The following PRKCA variants were observed in gnomAD, a reference collection of about 807,000 sequenced individuals.
The protein encoded by PRKCA is protein kinase C alpha type.
Under a neutral mutation model 87.0 loss-of-function variants are expected in PRKCA, and 27 were observed. The observed-to-expected ratio is 0.31, with a 90% CI of 0.23 to 0.43. The LOEUF (loss-of-function observed/expected upper bound fraction) is 0.43. Among genes scored for constraint, PRKCA ranks in the 20% least tolerant of loss-of-function variants. The pLI is 1.00. For missense variants in PRKCA, 518 were observed against 852.3 expected (o/e 0.61, Z 4.88); for synonymous variants, 329 against 311.1 (o/e 1.06, Z -0.61).
intron 3 of PRKCA, among the ~76,000 whole-genome samples, chr17:66,602,932 G>A (rs34987618): frequency 0.01 from 1,580 of 152,234 alleles, 19 homozygotes; most frequent in South Asian, 0.02. Flanking sequence ...TGTGAGGCGG[G>A]AAGCCCACTA....
At chr17:66,414,217 G>A (rs1336795121) in intron 2 of PRKCA, among the ~76,000 whole-genome samples, 2 of 152,068 alleles carry the variant, frequency 1.3e-5, no homozygotes, top group African/African-American at 4.8e-5. Flanking sequence ...TTGGTGAGAG[G>A]TGATTAGATC....
intron 2 of PRKCA, among the ~76,000 whole-genome samples, chr17:66,333,626 G>C (rs995382530): frequency 6.6e-6 from 1 of 152,128 alleles, no homozygotes; most frequent in African/African-American, 2.4e-5. Context: ...TTGTGAAGGG[G>C]TCTGGGCTAC....
At chr17:66,400,210 G>A (rs1910938267) in intron 2 of PRKCA, among the ~76,000 whole-genome samples, 1 of 152,192 alleles carries the variant, frequency 6.6e-6, no homozygotes, top group African/African-American at 2.4e-5. Context: ...GGAGTGCAGT[G>A]GCACAGTCTC....
chr17:66,434,874 G>C (rs1377533010), intron 2 of PRKCA, among the ~76,000 whole-genome samples: 1 of 152,150 alleles, frequency 6.6e-6, no homozygotes, highest in Non-Finnish European at 1.5e-5. Context: ...AACATCAAGG[G>C]CTGAGAGCCT....
rs372423454 is a variant in PRKCA at position 66,602,536 on chromosome 17, G to A, written c.289-38819G>A. Among the ~76,000 whole-genome samples the A allele has an allele frequency of 7.2e-5, 11 of 152,220 alleles. No homozygotes were observed. The East Asian group carries it at 7.7e-4, about 11-fold the overall frequency. The stretch of plus-strand genomic sequence containing the variant: ...GCAGAAATCACCCGTCTTCTGCGTC[G>A]CTCACGCTGGGAGCTGTAGACCGGA... On this transcript the variant is annotated intron_variant, in intron 3 of 16. Coordinates refer to ENST00000413366, the MANE Select transcript of PRKCA (RefSeq NM_002737.3).
At chr17:66,592,556 A>G (rs1040548320) in intron 3 of PRKCA, among the ~76,000 whole-genome samples, 3 of 152,298 alleles carry the variant, frequency 2.0e-5, no homozygotes. Context: ...CACAGACTTC[A>G]TGTACACAAA....
intron 3 of PRKCA, among the ~76,000 whole-genome samples, chr17:66,564,883 G>T (rs1489562161): frequency 2.0e-5 from 3 of 152,130 alleles, no homozygotes; most frequent in Non-Finnish European, 2.9e-5. Context: ...AGGAGGCTGA[G>T]GCAGGAGAAT....
intron 13 of PRKCA, among the ~76,000 whole-genome samples, chr17:66,757,979 C>T (rs1031609901): frequency 6.6e-6 from 1 of 152,194 alleles, no homozygotes; most frequent in Non-Finnish European, 1.5e-5. Context: ...CCCGCATCAG[C>T]CTTCCAAAGT....
chr17:66,732,320 G>A (rs1462317882), intron 8 of PRKCA, among the ~76,000 whole-genome samples: 8 of 152,184 alleles, frequency 5.3e-5, no homozygotes, highest in Admixed American at 3.3e-4. Flanking sequence ...AAAAGCATCA[G>A]TACACAGTTT....
At chr17:66,602,604 T>C (rs1402721759) in intron 3 of PRKCA, among the ~76,000 whole-genome samples, 2 of 152,158 alleles carry the variant, frequency 1.3e-5, no homozygotes, top group African/African-American at 4.8e-5. Context: ...CCAAAAATAT[T>C]AAACTTAAAA....
Position 66,560,293 on chromosome 17 carries a change from GAA to G in PRKCA, c.288+64012_288+64013del, listed in dbSNP as rs201334672. Among the ~76,000 whole-genome samples the G allele has an allele frequency of 6.4e-3, 968 of 152,104 alleles. 33 individuals carry two copies. Among genetic ancestry groups the G allele is most frequent in the Admixed American group, 0.055 (846 of 15,268 alleles). On this transcript the variant is annotated intron_variant, in intron 3 of 16. Coordinates refer to ENST00000413366, the MANE Select transcript of PRKCA (RefSeq NM_002737.3). ...GGGAGAGCTTCAGCTGGGCCCAAAG[GAA>G]ATCAAGAAAAGAGCAAATGAGAATG...
chr17:66,457,809 T>C (rs1914637612), intron 2 of PRKCA, among the ~76,000 whole-genome samples: 1 of 152,150 alleles, frequency 6.6e-6, no homozygotes, highest in Admixed American at 6.5e-5. Context: ...TGTGAGTCAA[T>C]TAAACCTCTT....
intron 14 of PRKCA, chr17:66,777,215 C>G (rs989187672): frequency 2.0e-6 from 2 of 985,282 alleles, no homozygotes; most frequent in Non-Finnish European, 2.4e-6. Flanking sequence ...TGACCATGAA[C>G]GTCATCTCCA....
At chr17:66,471,296 G>C (rs921956535) in intron 2 of PRKCA, among the ~76,000 whole-genome samples, 3 of 152,140 alleles carry the variant, frequency 2.0e-5, no homozygotes, top group African/African-American at 7.2e-5. Context: ...GTGTTCTCTG[G>C]CAATGCCATA....
chr17:66,377,748 A>T (rs1909546297), intron 2 of PRKCA, among the ~76,000 whole-genome samples: 2 of 84,482 alleles, frequency 2.4e-5, no homozygotes, highest in African/African-American at 4.8e-5. Context: ...TTTTTGAGGC[A>T]GGACCTCACT....
chr17:66,334,358 C>T (rs1906531330), intron 2 of PRKCA, among the ~76,000 whole-genome samples: 1 of 152,140 alleles, frequency 6.6e-6, no homozygotes, highest in Non-Finnish European at 1.5e-5. Context: ...ACTCTTCTGT[C>T]TTTTTAAGTG....
chr17:66,342,343 A>C (rs1158079083), intron 2 of PRKCA, among the ~76,000 whole-genome samples: 1 of 151,990 alleles, frequency 6.6e-6, no homozygotes, highest in Non-Finnish European at 1.5e-5. Context: ...AATTGCTTGA[A>C]TGCAGGAGGC....
chr17:66,727,633 G>T (rs1256347327), intron 8 of PRKCA, among the ~76,000 whole-genome samples: 2 of 143,636 alleles, frequency 1.4e-5, no homozygotes, highest in East Asian at 3.9e-4. Context: ...TGAAACTGCT[G>T]CCTGGAATTT....
At chr17:66,536,750 G>A (rs1967800899) in intron 3 of PRKCA, among the ~76,000 whole-genome samples, 1 of 152,194 alleles carries the variant, frequency 6.6e-6, no homozygotes. Flanking sequence ...CTTCTCCCGT[G>A]GGAATTGCAG....
Sources: allele counts gnomAD v4.1 joint callset (sites outside exome capture counted in the v4.1 genomes callset), GRCh38; gene constraint gnomAD v4.1.1; transcripts MANE v1.5; gene names NCBI Gene and HGNC (gene_info 2026-07-23, HGNC 2026-07-21).